Variants in ELMO1 observed in about 807,000 individuals in gnomAD.
The protein encoded by ELMO1 is engulfment and cell motility 1.
A neutral mutation model predicts 98.9 loss-of-function variants in ELMO1; 26 were observed. That is an observed-to-expected ratio of 0.26 (90% confidence interval 0.19 to 0.36). The LOEUF (loss-of-function observed/expected upper bound fraction) is 0.36. ELMO1 is among the 10% of genes least tolerant of loss of function. The pLI is 1.00. For synonymous variants in ELMO1, 346 were observed against 346.0 expected (o/e 1.00, Z 0.00); for missense variants, 627 against 935.2 (o/e 0.67, Z 4.30).
chr7:37,213,215 T>C (rs1793079409), intron 12 of ELMO1, 120 bp downstream of exon 12: 1 of 1,320,710 alleles, frequency 7.6e-7, no homozygotes, highest in African/African-American at 1.5e-5. Flanking sequence ...TCTGAGATGA[T>C]AATAAAATGA....
chr7:37,028,265 G>A (rs927964959), intron 15 of ELMO1, among the ~76,000 whole-genome samples: 10 of 152,038 alleles, frequency 6.6e-5, no homozygotes, highest in African/African-American at 2.2e-4. Context: ...TTCCTTTCAT[G>A]GACAATTTTT....
At chr7:37,027,297 C>T (rs906700204) in intron 15 of ELMO1, among the ~76,000 whole-genome samples, 2 of 152,152 alleles carry the variant, frequency 1.3e-5, no homozygotes, top group African/African-American at 4.8e-5. Flanking sequence ...AGAGACATAG[C>T]CCTCCTCTGT....
intron 14 of ELMO1, among the ~76,000 whole-genome samples, chr7:37,120,875 C>G (rs940213319): frequency 9.2e-5 from 14 of 152,184 alleles, no homozygotes; most frequent in South Asian, 8.3e-4. Context: ...AGGCACCCCC[C>G]AGTAGGGGCA....
chr7:37,100,475 T>C (rs927662915), intron 14 of ELMO1, among the ~76,000 whole-genome samples: 3 of 152,202 alleles, frequency 2.0e-5, no homozygotes, highest in Non-Finnish European at 4.4e-5. Context: ...CACTCAAATA[T>C]GAATCCCTTC....
intron 9 of ELMO1, among the ~76,000 whole-genome samples, chr7:37,224,445 C>A (rs1793759540): frequency 6.6e-6 from 1 of 152,094 alleles, no homozygotes; most frequent in African/African-American, 2.4e-5. Flanking sequence ...AAGAAGCCTG[C>A]CTTTAAAAAT....
chr7:37,100,154 A>T (rs1282850221), intron 14 of ELMO1, among the ~76,000 whole-genome samples: 2 of 152,202 alleles, frequency 1.3e-5, no homozygotes, highest in Non-Finnish European at 2.9e-5. Context: ...CATGAAAATC[A>T]GTAGGTTTCA....
intron 15 of ELMO1, among the ~76,000 whole-genome samples, chr7:37,091,722 A>G (rs1784104287): frequency 6.6e-6 from 1 of 152,196 alleles, no homozygotes; most frequent in African/African-American, 2.4e-5. Flanking sequence ...TGGGTAATTT[A>G]TAAAGAAAAA....
At chr7:36,999,467 C>A (rs1159497198) in intron 16 of ELMO1, among the ~76,000 whole-genome samples, 2 of 152,310 alleles carry the variant, frequency 1.3e-5, no homozygotes, top group Non-Finnish European at 2.9e-5. Context: ...CTCAAGCTCA[C>A]CCAGCAAGGA....
At chr7:36,893,175 T>C (rs761164242) in intron 17 of ELMO1, among the ~76,000 whole-genome samples, 73 of 152,226 alleles carry the variant, frequency 4.8e-4, no homozygotes, top group Non-Finnish European at 9.8e-4. Flanking sequence ...AGACTTATTA[T>C]GGAAAGCATA....
intron 1 of ELMO1, among the ~76,000 whole-genome samples, chr7:37,437,467 T>C (rs1171933866): frequency 6.6e-6 from 1 of 152,236 alleles, no homozygotes; most frequent in Non-Finnish European, 1.5e-5. Flanking sequence ...GTCTGTATTT[T>C]AACAGTTGGT....
At chr7:37,389,425 T>C (rs1802965328) in intron 1 of ELMO1, among the ~76,000 whole-genome samples, 1 of 152,216 alleles carries the variant, frequency 6.6e-6, no homozygotes, top group Non-Finnish European at 1.5e-5. Context: ...TTTTTAAAAG[T>C]CTATTTTAAA....
At chr7:37,380,775 A>G (rs1016116581) in intron 1 of ELMO1, among the ~76,000 whole-genome samples, 9 of 152,182 alleles carry the variant, frequency 5.9e-5, no homozygotes, top group Non-Finnish European at 1.3e-4. Context: ...ACTTTCTTTG[A>G]TACATTTTAT....
In ELMO1 at chr7:37,423,122, G is replaced by T. The variant is rs183112864; in HGVS notation, c.-74+25553C>A. On this transcript the variant is annotated intron_variant, in intron 1 of 21. Transcript: ENST00000310758. ...GGCACCAGTGTCTTCTGTGTTACAGGTTATCACCCTAAAATATATAGGGAA... is the reference window on the plus strand; with the variant it reads ...GGCACCAGTGTCTTCTGTGTTACAGTTTATCACCCTAAAATATATAGGGAA... Among the ~76,000 whole-genome samples, 31 of 152,304 alleles carry T rather than the reference G, an allele frequency of 2.0e-4. No homozygotes were observed. In the East Asian group the frequency reaches 5.6e-3, roughly 27 times the overall value.
intron 16 of ELMO1, among the ~76,000 whole-genome samples, chr7:36,971,576 C>T (rs577666281): frequency 9.9e-5 from 15 of 152,274 alleles, no homozygotes; most frequent in African/African-American, 3.4e-4. Context: ...AAAGATCATC[C>T]AGATTCCACT....
At chr7:37,120,049 T>A (rs950274438) in intron 14 of ELMO1, among the ~76,000 whole-genome samples, 3 of 152,212 alleles carry the variant, frequency 2.0e-5, no homozygotes, top group African/African-American at 7.2e-5. Flanking sequence ...CTTTTAAATT[T>A]TTTCCTGGAA....
chr7:36,881,541 A>G (rs1200001106), intron 18 of ELMO1, among the ~76,000 whole-genome samples: 1 of 152,244 alleles, frequency 6.6e-6, no homozygotes, highest in East Asian at 1.9e-4. Context: ...GGAGAAAACA[A>G]TAGTTAATGT....
chr7:36,885,933 G>A (rs1562796988), intron 18 of ELMO1, among the ~76,000 whole-genome samples: 1 of 152,134 alleles, frequency 6.6e-6, no homozygotes, highest in Non-Finnish European at 1.5e-5. Context: ...GATAGCCTTG[G>A]GAGACAGGCA....
chr7:36,921,654 A>G (rs1785162352), intron 16 of ELMO1, among the ~76,000 whole-genome samples: 2 of 152,210 alleles, frequency 1.3e-5, no homozygotes, highest in South Asian at 2.1e-4. Context: ...TAGGCATTCA[A>G]TAACTATAAT....
At chr7:37,118,926 T>C (rs1563013467) in intron 14 of ELMO1, among the ~76,000 whole-genome samples, 1 of 152,206 alleles carries the variant, frequency 6.6e-6, no homozygotes, top group African/African-American at 2.4e-5. Context: ...TATGAATCTA[T>C]AAGCCTCTCA....
Sources: allele counts gnomAD v4.1 joint callset (sites outside exome capture counted in the v4.1 genomes callset), GRCh38; gene constraint gnomAD v4.1.1; transcripts MANE v1.5; gene names NCBI Gene and HGNC (gene_info 2026-07-23, HGNC 2026-07-21).